The following SMCO4 variants were observed in gnomAD, a reference collection of about 807,000 sequenced individuals.
SMCO4 encodes the protein single-pass membrane and coiled-coil domain-containing protein 4.
Under a neutral mutation model 3.6 loss-of-function variants are expected in SMCO4, and 4 were observed. The ratio of observed to expected loss-of-function variants is 1.11; its 90% CI spans 0.54 to 2.53. SMCO4 has a LOEUF of 2.53. Ranked by LOEUF, SMCO4 falls within the 30% of genes most tolerant of loss-of-function variation. SMCO4 has a pLI of 0.02. For synonymous variants in SMCO4, 36 were observed against 35.3 expected (o/e 1.02, Z -0.07); for missense variants, 70 against 80.8 (o/e 0.87, Z 0.51).
chr11:93,519,533 GATT>G (rs1213320880), intron 1 of SMCO4, among the ~76,000 whole-genome samples: 2 of 152,202 alleles, frequency 1.3e-5, no homozygotes, highest in African/African-American at 4.8e-5. Context: ...GCAGACCAGA[GATT>G]AACTCCACAG....
chr11:93,498,660 G>A (rs1047241792), intron 2 of SMCO4, among the ~76,000 whole-genome samples: 2 of 152,198 alleles, frequency 1.3e-5, no homozygotes, highest in Non-Finnish European at 2.9e-5. Flanking sequence ...TTCACCAATA[G>A]CCAAAGGACA....
chr11:93,546,866 C>A (rs920905176), upstream of SMCO4, among the ~76,000 whole-genome samples: 4 of 152,244 alleles, frequency 2.6e-5, no homozygotes, highest in African/African-American at 9.6e-5. Flanking sequence ...ACTCAGCACA[C>A]TTTGCCCAAC....
At chr11:93,539,835 G>A (rs750976096) in intron 1 of SMCO4, among the ~76,000 whole-genome samples, 1 of 151,898 alleles carries the variant, frequency 6.6e-6, no homozygotes, top group Non-Finnish European at 1.5e-5. Context: ...CACCAAACTA[G>A]CTTTGACCGT....
At chr11:93,542,870 A>C (rs1405205694) in intron 1 of SMCO4, among the ~76,000 whole-genome samples, 1 of 151,834 alleles carries the variant, frequency 6.6e-6, no homozygotes, top group Non-Finnish European at 1.5e-5. Context: ...CCACCTTCCC[A>C]TACGGGGCCC....
rs35870051 is a variant in SMCO4 at position 93,506,440 on chromosome 11, CT to C, written c.-153-7093del. Among the ~76,000 whole-genome samples the C allele has an allele frequency of 5.7e-3, 792 of 139,668 alleles. 1 individual carries two copies. The highest frequency in any genetic ancestry group is 7.5e-3 in the Non-Finnish European group (479 of 64,100). The allele number at this position is 139,668 out of a possible 152,430, so 91.6% of individuals were successfully genotyped here. A position where few individuals can be genotyped will look rare whatever the true frequency, so the allele number is the denominator to read the frequency against. On this transcript the variant is annotated intron_variant, in intron 1 of 2. Coordinates refer to ENST00000298966, the MANE Select transcript of SMCO4 (RefSeq NM_020179.3). Reference sequence around the variant, plus strand: ...ATATTCTCTACTGCCACACACACAGCTTTTTTTTTTTTTTTTGAGATGGAGT... The same window carrying C: ...ATATTCTCTACTGCCACACACACAGCTTTTTTTTTTTTTTTGAGATGGAGT...
the SMCO4 span, among the ~76,000 whole-genome samples, chr11:93,550,351 C>T: frequency 1.3e-5 from 2 of 152,062 alleles, no homozygotes; most frequent in African/African-American, 2.4e-5. Flanking sequence ...CACAACTCCC[C>T]AGGGTGTATC....
intron 2 of SMCO4, among the ~76,000 whole-genome samples, chr11:93,497,498 A>G (rs1948788185): frequency 6.6e-6 from 1 of 152,216 alleles, no homozygotes; most frequent in African/African-American, 2.4e-5. Flanking sequence ...TGCTTTTTCA[A>G]GAAAGCTGCC....
intron 1 of SMCO4, among the ~76,000 whole-genome samples, chr11:93,512,752 T>C (rs1289699930): frequency 6.6e-6 from 1 of 152,178 alleles, no homozygotes; most frequent in African/African-American, 2.4e-5. Context: ...AACTGCCTAA[T>C]GATGCATTTC....
chr11:93,516,665 C>A (rs1173383552), intron 1 of SMCO4, among the ~76,000 whole-genome samples: 5 of 152,056 alleles, frequency 3.3e-5, no homozygotes, highest in African/African-American at 1.2e-4. Context: ...TGGTGCGTGC[C>A]TGTAGTCCCA....
intron 1 of SMCO4, among the ~76,000 whole-genome samples, chr11:93,507,308 G>A (rs1435816621): frequency 6.6e-6 from 1 of 152,172 alleles, no homozygotes; most frequent in African/African-American, 2.4e-5. Context: ...GCTGAGGCAT[G>A]AGAATCACTT....
chr11:93,538,129 T>TGACAGGACATGCAGACCCCAGCCAGGTAG (rs1949243418), intron 1 of SMCO4, among the ~76,000 whole-genome samples: 1 of 152,204 alleles, frequency 6.6e-6, no homozygotes, highest in Non-Finnish European at 1.5e-5. Context: ...GTCCTACCGA[T>TGACAGGACATGCAGACCCCAGCCAGGTAG]GACAGGACAT....
Position 93,518,297 on chromosome 11 carries a change from T to G in SMCO4, c.-153-18949A>C, listed in dbSNP as rs150752381. Among the ~76,000 whole-genome samples the G allele has an allele frequency of 7.0e-3, 1,065 of 152,364 alleles. 5 individuals carry two copies. Among genetic ancestry groups the G allele is most frequent in the Non-Finnish European group, 0.011 (779 of 68,032 alleles). The stretch of plus-strand genomic sequence containing the variant: ...TCTGTACATCATTCCTTTTTATTGC[T>G]GAACAACATTCCATTGTACAGATAT... On this transcript the variant is annotated intron_variant, in intron 1 of 2. Coordinates refer to ENST00000298966, the MANE Select transcript of SMCO4 (RefSeq NM_020179.3).
At chr11:93,486,598 G>A (rs542802756) in intron 2 of SMCO4, among the ~76,000 whole-genome samples, 2 of 152,160 alleles carry the variant, frequency 1.3e-5, no homozygotes, top group Non-Finnish European at 2.9e-5. Context: ...GTGTGGGCCA[G>A]GCTGCTCTGA....
intron 1 of SMCO4, among the ~76,000 whole-genome samples, chr11:93,510,086 T>G (rs1948943938): frequency 6.6e-6 from 1 of 152,200 alleles, no homozygotes; most frequent in South Asian, 2.1e-4. Context: ...GGACTACAGT[T>G]TCCTCTTGCA....
intron 1 of SMCO4, among the ~76,000 whole-genome samples, chr11:93,499,759 A>G (rs1948816548): frequency 1.3e-5 from 2 of 152,234 alleles, no homozygotes; most frequent in East Asian, 3.8e-4. Flanking sequence ...GGATTAGAAA[A>G]GAAACAAACG....
At chr11:93,526,364 C>T (rs774216358) in intron 1 of SMCO4, among the ~76,000 whole-genome samples, 3 of 151,832 alleles carry the variant, frequency 2.0e-5, no homozygotes, top group African/African-American at 2.4e-5. Context: ...CTTTCAACCA[C>T]CGCAGTTACA....
intron 1 of SMCO4, chr11:93,535,891 A>G: frequency 3.1e-6 from 5 of 1,599,594 alleles, no homozygotes; most frequent in South Asian, 1.1e-5. Context: ...CCACATAGCT[A>G]GGTTTCTGGT....
At chr11:93,525,285 T>G (rs1226070292) in intron 1 of SMCO4, among the ~76,000 whole-genome samples, 2 of 152,238 alleles carry the variant, frequency 1.3e-5, no homozygotes, top group Non-Finnish European at 2.9e-5. Context: ...GATTCTCAGG[T>G]CTTTTCCTCT....
intron 1 of SMCO4, among the ~76,000 whole-genome samples, chr11:93,534,375 T>TATATATAGAGAGAGAGAG (rs369643237): frequency 1.4e-5 from 2 of 142,132 alleles, no homozygotes; most frequent in African/African-American, 5.3e-5. Flanking sequence ...TATATATATA[T>TATATATAGAGAGAGAGAG]AGAGAGAGAG....
Sources: gnomAD v4.1 joint callset for allele counts (sites outside exome capture counted in the v4.1 genomes callset) on GRCh38, gnomAD v4.1.1 for gene constraint, MANE v1.5 for transcripts, NCBI Gene and HGNC (gene_info 2026-07-23, HGNC 2026-07-21) for gene names.